Variants in PTGS1 observed in about 807,000 individuals in gnomAD.
PTGS1 encodes prostaglandin-endoperoxide synthase 1, also known as prostaglandin G/H synthase 1.
A neutral mutation model predicts 63.0 loss-of-function variants in PTGS1; 40 were observed. That is an observed-to-expected ratio of 0.63 (90% CI 0.49 to 0.83). The LOEUF is 0.83. Ranked by LOEUF, PTGS1 falls within the 40% of genes least tolerant of loss-of-function variation. The probability of loss-of-function intolerance (pLI) is 0.00; values close to 1 mark genes in which losing one functional copy is unlikely to be tolerated. For synonymous variants in PTGS1, 298 were observed against 301.9 expected, an observed-to-expected ratio of 0.99 and a Z score of 0.13; for missense variants, 709 against 786.5, an observed-to-expected ratio of 0.90 and a Z score of 1.18.
chr9:122,386,813 C>T, intron 9 of PTGS1, 81 bp downstream of exon 9: 1 of 1,520,040 alleles, frequency 6.6e-7, no homozygotes. Flanking sequence ...GGTTCTTCTT[C>T]TGTAAAATGG....
intron 9 of PTGS1, among the ~76,000 whole-genome samples, chr9:122,389,037 A>G (rs1417030602): frequency 6.6e-6 from 1 of 151,666 alleles, no homozygotes; most frequent in African/African-American, 2.4e-5. Flanking sequence ...ATATTATTTC[A>G]TCCAACCATG....
At position 122,378,465 on chromosome 9, in the gene PTGS1, C is replaced by A. The variant is rs374417599; in HGVS notation, c.244C>A (p.Arg82=). 3.1e-6 allele frequency: 5 copies of A among 1,614,140 alleles called. No homozygotes were observed. In the South Asian group the frequency reaches 4.4e-5, roughly 14 times the overall value. Residue 82 remains arginine, a synonymous_variant, in exon 4 of 11, where the codon CGG becomes AGG. Coordinates refer to ENST00000362012, the MANE Select transcript of PTGS1 (RefSeq NM_000962.4). ...GTGGACCTGGCTCCGGAATTCACTG[C>A]GGCCCAGCCCCTCTTTCACCCACTT... ...GLWTWLRNSL[R]PSPSFTHFLL...
At position 122,395,292 on chromosome 9, in the gene PTGS1, G is replaced by A. The variant is rs1285836162; in HGVS notation, c.*2748G>A. ...TGCACCAAGAAAGCTTCTTCAGAGTGAAGAATCTTAATGCTTGTAATTTAA... is the reference window on the plus strand; with the variant it reads ...TGCACCAAGAAAGCTTCTTCAGAGTAAAGAATCTTAATGCTTGTAATTTAA... On this transcript the variant is annotated 3_prime_UTR_variant, in exon 11 of 11. Coordinates refer to ENST00000362012, the MANE Select transcript of PTGS1 (RefSeq NM_000962.4). 3 of 152,212 alleles carry A rather than the reference G, an allele frequency of 2.0e-5. No homozygotes were observed. Among genetic ancestry groups the A allele is most frequent in the Non-Finnish European group, 4.4e-5 (3 of 68,046 alleles). 9.4% of individuals were successfully genotyped at this position (152,212 alleles called of 1,614,324 possible). A position where few individuals can be genotyped will look rare whatever the true frequency, so the allele number is the denominator to read the frequency against.
At chr9:122,387,055 C>T (rs924413087) in intron 9 of PTGS1, among the ~76,000 whole-genome samples, 1 of 151,990 alleles carries the variant, frequency 6.6e-6, no homozygotes, top group Non-Finnish European at 1.5e-5. Flanking sequence ...GTTCTAAGAG[C>T]TTCTCCTATG....
At chr9:122,378,989 G>T in intron 5 of PTGS1, 71 bp downstream of exon 5, 1 of 1,573,774 alleles carries the variant, frequency 6.4e-7, no homozygotes, top group South Asian at 1.2e-5. Context: ...GGAAAAATCA[G>T]GCGAAGAACA....
chr9:122,392,035 T>C (rs10306182), intron 10 of PTGS1, among the ~76,000 whole-genome samples, 154 bp from the exon 11 acceptor site: 1 of 152,046 alleles, frequency 6.6e-6, no homozygotes, highest in Non-Finnish European at 1.5e-5. Context: ...GTGCCAACCA[T>C]GCCAAATTCT....
chr9:122,377,361 T>C (rs1302548348), intron 2 of PTGS1, among the ~76,000 whole-genome samples: 1 of 152,122 alleles, frequency 6.6e-6, no homozygotes, highest in Non-Finnish European at 1.5e-5. Flanking sequence ...TGCTCTTCTC[T>C]ACCTTCTGCA....
chr9:122,380,470 T>A (rs548859544), intron 5 of PTGS1, among the ~76,000 whole-genome samples: 3,523 of 94,898 alleles, frequency 0.037, 147 homozygotes, highest in African/African-American at 0.15. Context: ...GTCTCAAAAA[T>A]AAATAAATAA....
In PTGS1 at chr9:122,371,962, G is replaced by A. The variant is rs10306118; in HGVS notation, c.94+690G>A. On this transcript the variant is annotated intron_variant, in intron 2 of 10. Transcript: ENST00000362012. ...AGCTGCTTCTACCCACAATGGACCC[G>A]GAGCCACTCTGGGTTTCATGGGGGA... 1,818 of 703,790 alleles carry A rather than the reference G, an allele frequency of 2.6e-3. 25 individuals are homozygous for A. In the African/African-American group the frequency reaches 0.028, roughly 11 times the overall value. 43.6% of individuals were successfully genotyped at this position (703,790 alleles called of 1,614,324 possible).
intron 8 of PTGS1, among the ~76,000 whole-genome samples, chr9:122,385,730 G>A (rs1167392925): frequency 2.0e-5 from 3 of 152,070 alleles, no homozygotes; most frequent in African/African-American, 7.3e-5. Context: ...GAGGGTGTCA[G>A]CATGATGACA....
In PTGS1 at chr9:122,395,049, G is replaced by A. The variant is rs200744357; in HGVS notation, c.*2505G>A. 6.6e-6 allele frequency: 1 copy of A among 152,500 alleles called. No homozygotes were observed. Among genetic ancestry groups the A allele is most frequent in the East Asian group, 1.9e-4 (1 of 5,178 alleles). 9.4% of individuals were successfully genotyped at this position (152,500 alleles called of 1,614,324 possible). A position where few individuals can be genotyped will look rare whatever the true frequency, so the allele number is the denominator to read the frequency against. The stretch of plus-strand genomic sequence containing the variant: ...CTCGAGAAGGGTGGATGACAGGGCA[G>A]AGCAGGAAGGACAGGAAGCTGGCAG... On this transcript the variant is annotated 3_prime_UTR_variant, in exon 11 of 11. Coordinates refer to ENST00000362012, the MANE Select transcript of PTGS1 (RefSeq NM_000962.4).
chr9:122,389,688 T>C (rs10306170), intron 9 of PTGS1, among the ~76,000 whole-genome samples: 11,880 of 152,092 alleles, frequency 0.078, 1,440 homozygotes, highest in African/African-American at 0.26. Context: ...GATGTGGTGG[T>C]TCATGCCTGT....
At chr9:122,386,832 T>A in intron 9 of PTGS1, 100 bp downstream of exon 9, 2 of 1,402,544 alleles carry the variant, frequency 1.4e-6, no homozygotes, top group Non-Finnish European at 1.9e-6. Flanking sequence ...GGGGCTGATG[T>A]CACTTCTACA....
Position 122,378,531 on chromosome 9 carries a change from G to A in PTGS1, c.310G>A (p.Ala104Thr). The part of the protein sequence containing the change: ...HGRWFWEFVN[A>T]TFIREMLMRL... Reference sequence around the variant, plus strand: ...GCGCTGGTTCTGGGAGTTTGTCAATGCCACCTTCATCCGAGAGATGCTCAT... The same window carrying A: ...GCGCTGGTTCTGGGAGTTTGTCAATACCACCTTCATCCGAGAGATGCTCAT... The change falls in exon 4 of 11, where the codon GCC becomes ACC. Residue 104 changes from alanine to threonine, a missense_variant. Transcript: ENST00000362012. The A allele has an allele frequency of 6.2e-7, 1 of 1,614,226 alleles. No individual in the cohort carries two copies. Among genetic ancestry groups the A allele is most frequent in the East Asian group, 2.2e-5 (1 of 44,870 alleles).
chr9:122,376,870 C>G (rs1837199637), intron 2 of PTGS1, among the ~76,000 whole-genome samples: 1 of 152,254 alleles, frequency 6.6e-6, no homozygotes, highest in South Asian at 2.1e-4. Flanking sequence ...GAGTCTGTAA[C>G]TTTGCTGCTA....
chr9:122,371,150 A>T (rs773548455), intron 1 of PTGS1, 36 bp from the exon 2 acceptor site: 1 of 1,607,776 alleles, frequency 6.2e-7, no homozygotes, highest in Non-Finnish European at 8.5e-7. Context: ...GGAGCCTTGA[A>T]TGCCAGGCTC....
chr9:122,373,579 AGATGGG>A (rs1182305392), intron 2 of PTGS1, among the ~76,000 whole-genome samples: 3 of 152,204 alleles, frequency 2.0e-5, no homozygotes, highest in Admixed American at 6.5e-5. Flanking sequence ...CCCATCTTCT[AGATGGG>A]GATAGGGCAT....
Position 122,393,473 on chromosome 9 carries a change from C to G in PTGS1, c.*929C>G, listed in dbSNP as rs536172622. On this transcript the variant is annotated 3_prime_UTR_variant, in exon 11 of 11. Coordinates refer to ENST00000362012, the MANE Select transcript of PTGS1 (RefSeq NM_000962.4). Reference sequence around the variant, plus strand: ...ACATGCTACCACTGGTACTTCCTTTCTCCCTGCGGGCCAGGCACTGCCCTT... The same window carrying G: ...ACATGCTACCACTGGTACTTCCTTTGTCCCTGCGGGCCAGGCACTGCCCTT... 1 of 152,350 alleles carries G rather than the reference C, an allele frequency of 6.6e-6. No individual in the cohort carries two copies. Among genetic ancestry groups the G allele is most frequent in the South Asian group, 2.1e-4 (1 of 4,826 alleles). 9.4% of individuals were successfully genotyped at this position (152,350 alleles called of 1,614,324 possible).
chr9:122,390,323 C>T lies in PTGS1; in HGVS notation c.1422C>T (p.Tyr474=). The part of the protein sequence containing the change: ...EYRKRFGMKP[Y]TSFQELVGEK... The stretch of plus-strand genomic sequence containing the variant: ...GCAAGAGGTTTGGCATGAAACCCTA[C>T]ACCTCCTTCCAGGAGCTCGTAGGTG... Residue 474 remains tyrosine (Y), a synonymous_variant, in exon 10 of 11, where the codon TAC becomes TAT. Transcript: ENST00000362012. 2 of 1,614,170 alleles carry T rather than the reference C, an allele frequency of 1.2e-6. No homozygotes were observed. Among genetic ancestry groups the T allele is most frequent in the Non-Finnish European group, 1.7e-6 (2 of 1,180,014 alleles).
Sources: gnomAD v4.1 joint callset for allele counts (sites outside exome capture counted in the v4.1 genomes callset) on GRCh38, gnomAD v4.1.1 for gene constraint, MANE v1.5 for transcripts, NCBI Gene and HGNC (gene_info 2026-07-23, HGNC 2026-07-21) for gene names.